Variants in TNRC6A observed in about 807,000 individuals in gnomAD.
TNRC6A encodes trinucleotide repeat containing adaptor 6A.
TNRC6A carries 44 observed loss-of-function variants against 221.2 expected under a neutral mutation model. The ratio of observed to expected loss-of-function variants is 0.20; its 90% CI spans 0.16 to 0.26. The LOEUF (loss-of-function observed/expected upper bound fraction) is 0.26. TNRC6A is among the 10% of genes least tolerant of loss of function. The pLI is 1.00. For synonymous variants in TNRC6A, 847 were observed against 838.5 expected (o/e 1.01, Z -0.18); for missense variants, 2,199 against 2,404.4 (o/e 0.91, Z 1.79).
chr16:24,715,089 G>C lies in TNRC6A; in HGVS notation n.403-35637G>C, dbSNP rs531529136. Among the ~76,000 whole-genome samples the C allele has an allele frequency of 8.0e-4, 122 of 151,976 alleles. 1 individual carries two copies. The highest frequency in any genetic ancestry group is 2.8e-3 in the African/African-American group (116 of 41,462). On this transcript the variant is annotated intron_variant and non_coding_transcript_variant, in intron 2 of 2. Transcript: ENST00000566108. The stretch of plus-strand genomic sequence containing the variant: ...GACGGGGTTTCACCGTGTTAGCCAG[G>C]ATGGTCTCGATCTCCTGACCTCATG...
chr16:24,706,979 T>TTTTATTTA lies in TNRC6A; in HGVS notation n.403-43745_403-43738dup, dbSNP rs762561225. ...ACGATGTATTTATTTATTTATCTAT[T>TTTTATTTA]TTTATTTATGTATTTATTTATTTAT... On this transcript the variant is annotated intron_variant and non_coding_transcript_variant, in intron 2 of 2. Coordinates refer to the TNRC6A transcript ENST00000566108. 2.6e-3 allele frequency among the ~76,000 whole-genome samples: 365 copies of TTTTATTTA among 140,504 alleles called. 1 individual carries two copies. Among genetic ancestry groups the TTTTATTTA allele is most frequent in the African/African-American group, 7.4e-3 (264 of 35,900 alleles). The allele number at this position is 140,504 out of a possible 152,430, so 92.2% of individuals were successfully genotyped here.
intron 2 of TNRC6A, among the ~76,000 whole-genome samples, chr16:24,647,238 T>C (rs1334568762): frequency 6.6e-6 from 1 of 152,116 alleles, no homozygotes; most frequent in Non-Finnish European, 1.5e-5. Flanking sequence ...GCCTAAAATA[T>C]CTTTTTAGTC....
At chr16:24,702,107 CTTTTTT>C (rs201421601) in intron 2 of TNRC6A, among the ~76,000 whole-genome samples, 3 of 50,250 alleles carry the variant, frequency 6.0e-5, no homozygotes, top group Non-Finnish European at 1.1e-4. Flanking sequence ...TTTCTTTTTT[CTTTTTT>C]TTTTTTTTTT....
intron 6 of TNRC6A, among the ~76,000 whole-genome samples, chr16:24,792,932 G>T (rs565358319): frequency 6.6e-5 from 10 of 152,070 alleles, no homozygotes; most frequent in African/African-American, 2.4e-4. Flanking sequence ...GGGACTACAG[G>T]TGTGTGCCAC....
At chr16:24,822,231 C>G in intron 23 of TNRC6A, 84 bp downstream of exon 23, 1 of 1,363,494 alleles carries the variant, frequency 7.3e-7, no homozygotes, top group Non-Finnish European at 1.0e-6. Context: ...GAGACAAGGG[C>G]TGCTAGGTGG....
rs1447885309 is a variant in TNRC6A, at chr16:24,789,561, G to T, written c.919G>T (p.Gly307Ter). The T allele has an allele frequency of 6.2e-7, 1 of 1,614,032 alleles. No individual in the cohort carries two copies. Among genetic ancestry groups the T allele is most frequent in the African/African-American group, 1.3e-5 (1 of 74,930 alleles). ...VGSSSNNVGH[G>*]SSTGPWGFSH... is the part of the protein sequence containing the mutation. Reference sequence around the variant, plus strand: ...TAGCAGCAGCAATAATGTGGGCCATGGAAGTAGTACTGGGCCATGGGGTTT... The same window carrying T: ...TAGCAGCAGCAATAATGTGGGCCATTGAAGTAGTACTGGGCCATGGGGTTT... The change falls in exon 6 of 25, where the codon GGA becomes TGA. Residue 307 changes from glycine (G) to a stop codon, truncating the protein, a stop_gained. Transcript: ENST00000395799. LOFTEE classifies it high-confidence loss of function.
chr16:24,669,828 G>T (rs902644173), intron 2 of TNRC6A, among the ~76,000 whole-genome samples: 1 of 150,742 alleles, frequency 6.6e-6, no homozygotes, highest in Admixed American at 6.7e-5. Flanking sequence ...AGAAGTAGTT[G>T]TTATAGTAAT....
chr16:24,640,376 G>A (rs1901876639), intron 1 of TNRC6A, among the ~76,000 whole-genome samples: 1 of 150,822 alleles, frequency 6.6e-6, no homozygotes, highest in Admixed American at 6.6e-5. Context: ...CTCCAACCTG[G>A]GTGACAAAGT....
intron 1 of TNRC6A, 100 bp from the exon 2 acceptor site, chr16:24,730,153 C>A: frequency 8.6e-7 from 1 of 1,167,856 alleles, no homozygotes; most frequent in Non-Finnish European, 1.2e-6. Context: ...CCCCATCCGG[C>A]CCCGGCGCGA....
At chr16:24,718,365 T>C (rs2056352758) in intron 2 of TNRC6A, among the ~76,000 whole-genome samples, 1 of 152,184 alleles carries the variant, frequency 6.6e-6, no homozygotes. Flanking sequence ...TCTGTATTCT[T>C]ATGAGATCCA....
At chr16:24,779,259 G>A (rs929816302) in intron 5 of TNRC6A, among the ~76,000 whole-genome samples, 3 of 152,150 alleles carry the variant, frequency 2.0e-5, no homozygotes, top group Non-Finnish European at 4.4e-5. Flanking sequence ...GGAGGCTAAG[G>A]TGGAAGTGAG....
At chr16:24,784,356 G>GCT (rs1224379061) in intron 5 of TNRC6A, among the ~76,000 whole-genome samples, 3 of 151,900 alleles carry the variant, frequency 2.0e-5, no homozygotes, top group Middle Eastern at 3.4e-3. Flanking sequence ...AGAGGCTGTA[G>GCT]CTCTGTCTCC....
intron 1 of TNRC6A, among the ~76,000 whole-genome samples, chr16:24,614,037 G>T (rs1352120865): frequency 6.6e-6 from 1 of 152,200 alleles, no homozygotes; most frequent in Non-Finnish European, 1.5e-5. Flanking sequence ...TCCTGGCCTG[G>T]GTTCATGGCC....
At chr16:24,623,228 TC>T (rs1900775060) in intron 1 of TNRC6A, among the ~76,000 whole-genome samples, 1 of 151,896 alleles carries the variant, frequency 6.6e-6, no homozygotes, top group Admixed American at 6.6e-5. Flanking sequence ...AGACGGAGTC[TC>T]CTTCTGTCGC....
intron 2 of TNRC6A, among the ~76,000 whole-genome samples, chr16:24,711,228 G>A (rs771919988): frequency 3.3e-5 from 5 of 151,602 alleles, no homozygotes; most frequent in African/African-American, 7.3e-5. Flanking sequence ...GGCTGGTCTC[G>A]AACTCCTGAC....
intron 1 of TNRC6A, among the ~76,000 whole-genome samples, chr16:24,615,663 G>A (rs983750823): frequency 6.6e-6 from 1 of 152,182 alleles, no homozygotes; most frequent in Non-Finnish European, 1.5e-5. Flanking sequence ...TCTTGGAGAG[G>A]GGGAATGAAC....
intron 9 of TNRC6A, among the ~76,000 whole-genome samples, chr16:24,796,920 GAGCCAGCC>G (rs2058232411): frequency 6.6e-6 from 1 of 152,200 alleles, no homozygotes; most frequent in Non-Finnish European, 1.5e-5. Flanking sequence ...CAGCCGCAGA[GAGCCAGCC>G]CTAAGCAGGA....
chr16:24,707,916 C>T (rs971483866), intron 2 of TNRC6A, among the ~76,000 whole-genome samples: 5 of 152,072 alleles, frequency 3.3e-5, no homozygotes, highest in Admixed American at 1.3e-4. Context: ...AACATTAGCC[C>T]GGTGTGATGA....
chr16:24,686,915 G>A (rs1048866956), intron 2 of TNRC6A, among the ~76,000 whole-genome samples: 4 of 152,062 alleles, frequency 2.6e-5, no homozygotes, highest in African/African-American at 9.7e-5. Context: ...TGGATGGTTC[G>A]GAGTCTGCAT....
Sources: allele counts gnomAD v4.1 joint callset (sites outside exome capture counted in the v4.1 genomes callset), GRCh38; gene constraint gnomAD v4.1.1; transcripts MANE v1.5; gene names NCBI Gene and HGNC (gene_info 2026-07-23, HGNC 2026-07-21).